MLH3: variants seen among roughly 807,000 people sequenced by gnomAD.
MLH3 encodes mutL homolog 3.
A neutral mutation model predicts 122.2 loss-of-function variants in MLH3; 82 were observed. The observed-to-expected ratio is 0.67, with a 90% confidence interval of 0.56 to 0.81. MLH3 has a LOEUF of 0.81. Ranked by LOEUF, MLH3 falls within the 30% of genes least tolerant of loss-of-function variation. The pLI, the probability that MLH3 is intolerant of heterozygous loss-of-function variation, is 0.00. For synonymous variants in MLH3, 524 were observed against 599.5 expected (o/e 0.87, Z 1.84); for missense variants, 1,539 against 1,714.5 (o/e 0.90, Z 1.81).
rs1045499933 is a variant in MLH3 at position 75,018,975 on chromosome 14, T to C, written c.4096A>G (p.Ile1366Val). 3.1e-6 allele frequency: 5 copies of C among 1,614,056 alleles called. No homozygotes were observed. In the African/African-American group the frequency reaches 6.7e-5, roughly 22 times the overall value. ...VLASQACHGA[I>V]KFNDGLSLQE... Reference sequence around the variant, plus strand: ...AAGCTCAGGCCATCATTAAACTTAATGGCCCCTAAATGAAAGACAGAAACA... The same window carrying C: ...AAGCTCAGGCCATCATTAAACTTAACGGCCCCTAAATGAAAGACAGAAACA... The change falls in exon 12 of 13, where the codon ATT (isoleucine) becomes GTT (valine). Residue 1366 changes from isoleucine to valine, a missense_variant. Physicochemically the swap from Ile to Val is conservative, Grantham distance 29. Transcript: ENST00000355774.
At position 75,046,955 on chromosome 14, in the gene MLH3, T is replaced by C. The variant is rs146425909; in HGVS notation, c.2701A>G (p.Asn901Asp). The C allele has an allele frequency of 1.9e-6, 3 of 1,614,058 alleles. No individual in the cohort carries two copies. In the African/African-American group the frequency reaches 4.0e-5, roughly 22 times the overall value. Reference protein sequence around the residue: ...GMMSRFNELPNSDSSRKDSKL... With the variant: ...GMMSRFNELPDSDSSRKDSKL... ...CTGTCTTTCCTACTGGAATCTGAATTTGGAAGTTCATTAAAACGACTCATC... is the reference window on the plus strand; with the variant it reads ...CTGTCTTTCCTACTGGAATCTGAATCTGGAAGTTCATTAAAACGACTCATC... Residue 901 changes from asparagine to aspartate, a missense_variant, in exon 2 of 13, where the codon AAT becomes GAT. Physicochemically the swap from Asn to Asp is conservative, Grantham distance 23. Transcript: ENST00000355774.
At position 75,047,734 on chromosome 14, in the gene MLH3, G is replaced by A; in HGVS notation, c.1922C>T (p.Thr641Ile). The change falls in exon 2 of 13, where the codon ACA becomes ATA. Residue 641 changes from threonine (T) to isoleucine (I), a missense_variant. Thr to Ile is a moderately conservative substitution (Grantham distance 89). Coordinates refer to ENST00000355774, the MANE Select transcript of MLH3 (RefSeq NM_001040108.2). ...VRPGPTRAQE[T>I]FGNRTRHSVE... ...TGAATGACGTGTTCTATTTCCAAAT[G>A]TTTCTTGGGCACGTGTGGGACCAGG... is the stretch of plus-strand genomic sequence containing the variant. 6.2e-7 allele frequency: 1 copy of A among 1,614,096 alleles called. No homozygotes were observed. The highest frequency in any genetic ancestry group is 1.3e-5 in the African/African-American group (1 of 75,028).
intron 7 of MLH3, among the ~76,000 whole-genome samples, chr14:75,032,623 G>A (rs1891125468): frequency 6.6e-6 from 1 of 151,830 alleles, no homozygotes; most frequent in South Asian, 2.1e-4. Flanking sequence ...TTCTAACACT[G>A]TTTTTACTAT....
In MLH3 at chr14:75,049,465, TCACTCCC is replaced by T. The variant is rs1892518955; in HGVS notation, c.184_190del (p.Gly62MetfsTer3). 1 of 1,614,152 alleles carries T rather than the reference TCACTCCC, an allele frequency of 6.2e-7. No homozygotes were observed. The highest frequency in any genetic ancestry group is 8.5e-7 in the Non-Finnish European group (1 of 1,180,026). ...ACGATTTCCCACTTTCTCTACATCA[TCACTCCC>T]CATCCCAAATCCATTGTCTATCACT... On this transcript the variant is annotated frameshift_variant, in exon 2 of 13. Coordinates refer to ENST00000355774, the MANE Select transcript of MLH3 (RefSeq NM_001040108.2). LOFTEE classifies it high-confidence loss of function.
chr14:75,036,789 A>G, intron 6 of MLH3: 1 of 456,114 alleles, frequency 2.2e-6, no homozygotes, highest in South Asian at 1.5e-5. Context: ...TACTTTCCCC[A>G]TATCCAATCC....
chr14:75,028,513 G>A (rs1435418259), intron 9 of MLH3, among the ~76,000 whole-genome samples: 1 of 151,144 alleles, frequency 6.6e-6, no homozygotes, highest in Non-Finnish European at 1.5e-5. Context: ...CACCTTCCGG[G>A]TTCAAGCAAT....
intron 4 of MLH3, among the ~76,000 whole-genome samples, chr14:75,040,387 T>C (rs1474299754): frequency 7.7e-6 from 1 of 130,088 alleles, no homozygotes; most frequent in Non-Finnish European, 1.5e-5. Flanking sequence ...GAGGCGGAGC[T>C]TGCAGTGAGC....
In MLH3 at chr14:75,047,350, T is replaced by A; in HGVS notation, c.2306A>T (p.Asp769Val). 6.2e-7 allele frequency: 1 copy of A among 1,614,182 alleles called. No individual in the cohort carries two copies. The highest frequency in any genetic ancestry group is 8.5e-7 in the Non-Finnish European group (1 of 1,180,008). ...TCCATTACTTTCCTCTACTTCTGTATCCAGAGGATTTTCAACCTTCCCATA... is the reference window on the plus strand; with the variant it reads ...TCCATTACTTTCCTCTACTTCTGTAACCAGAGGATTTTCAACCTTCCCATA... ...RQYGKVENPL[D>V]TEVEESNGVT... The change falls in exon 2 of 13, where the codon GAT becomes GTT. Residue 769 changes from aspartate to valine, a missense_variant. By Grantham distance (152) the Asp-to-Val change is radical. Coordinates refer to ENST00000355774, the MANE Select transcript of MLH3 (RefSeq NM_001040108.2).
chr14:75,018,800 C>T, intron 12 of MLH3, 29 bp downstream of exon 12: 2 of 1,612,400 alleles, frequency 1.2e-6, no homozygotes, highest in South Asian at 2.2e-5. Flanking sequence ...AACTTTGCTC[C>T]CTCCTGCTCC....
At chr14:75,020,025 G>A (rs1890171280) in intron 11 of MLH3, among the ~76,000 whole-genome samples, 1 of 152,190 alleles carries the variant, frequency 6.6e-6, no homozygotes, top group Non-Finnish European at 1.5e-5. Flanking sequence ...AGGCTTTCCT[G>A]GCAAAGTAGT....
chr14:75,027,688 A>ACCC (rs1555341362), intron 9 of MLH3, among the ~76,000 whole-genome samples: 2 of 134,546 alleles, frequency 1.5e-5, no homozygotes, highest in African/African-American at 5.5e-5. Context: ...AAAAAAAAAA[A>ACCC]AAAAAACCCA....
intron 11 of MLH3, among the ~76,000 whole-genome samples, chr14:75,022,289 G>A (rs1890333772): frequency 6.6e-6 from 1 of 152,156 alleles, no homozygotes; most frequent in African/African-American, 2.4e-5. Context: ...GTTACAAAGT[G>A]CACATGTACC....
At chr14:75,023,933 A>C (rs1053072717) in intron 9 of MLH3, among the ~76,000 whole-genome samples, 1 of 152,206 alleles carries the variant, frequency 6.6e-6, no homozygotes, top group Non-Finnish European at 1.5e-5. Flanking sequence ...GGTAGTAGAT[A>C]CTATATTACA....
chr14:75,044,073 G>C (rs373553379), intron 2 of MLH3, among the ~76,000 whole-genome samples: 10 of 151,658 alleles, frequency 6.6e-5, no homozygotes, highest in African/African-American at 2.4e-4. Context: ...TGGGCAACAA[G>C]AGCGAAACTC....
At chr14:75,041,535 C>CA in intron 4 of MLH3, 80 bp downstream of exon 4, 1 of 1,153,228 alleles carries the variant, frequency 8.7e-7, no homozygotes, top group Non-Finnish European at 1.3e-6. Flanking sequence ...GCAACAGGAG[C>CA]AAAACTCCAT....
chr14:75,032,144 G>C lies in MLH3; in HGVS notation c.3751C>G (p.Arg1251Gly). ...YEKQQAQGSG[R>G]KKLLSSTLIP... ...AGAGTAGAAGACAGTAATTTTTTCC[G>C]ACCAGAGCCTTGTGCCTGTTGCTTC... The change falls in exon 8 of 13, where the codon CGG (arginine) becomes GGG (glycine). Residue 1251 changes from arginine (R) to glycine (G), a missense_variant. Coordinates refer to ENST00000355774, the MANE Select transcript of MLH3 (RefSeq NM_001040108.2). 6.2e-7 allele frequency: 1 copy of C among 1,613,610 alleles called. No homozygotes were observed. Among genetic ancestry groups the C allele is most frequent in the African/African-American group, 1.3e-5 (1 of 75,002 alleles).
intron 9 of MLH3, among the ~76,000 whole-genome samples, chr14:75,027,199 T>C (rs1890683205): frequency 6.6e-6 from 1 of 152,056 alleles, no homozygotes. Flanking sequence ...TGTTTTTAGC[T>C]AGATAATCAT....
intron 9 of MLH3, among the ~76,000 whole-genome samples, chr14:75,029,040 C>G (rs1427265714): frequency 5.4e-5 from 8 of 147,038 alleles, no homozygotes; most frequent in African/African-American, 2.0e-4. Context: ...ATCCCAGCTA[C>G]TTGGGAGGCT....
chr14:75,049,398 A>G lies in MLH3; in HGVS notation c.258T>C (p.Asn86=), dbSNP rs547799821. The change falls in exon 2 of 13, where the codon AAT becomes AAC. Residue 86 remains asparagine (N), a synonymous_variant. Transcript: ENST00000355774. The stretch of plus-strand genomic sequence containing the variant: ...CTCCTCGGAAACCATAAAACCTTGG[A>G]TTCTCCAAGTCCTGTACCGAGTGGC... ...SKCHSVQDLE[N]PRFYGFRGEA... The G allele has an allele frequency of 2.5e-6, 4 of 1,614,024 alleles. No individual in the cohort carries two copies. The South Asian group carries it at 4.4e-5, about 18-fold the overall frequency.
Sources: gnomAD v4.1 joint callset for allele counts (sites outside exome capture counted in the v4.1 genomes callset) on GRCh38, gnomAD v4.1.1 for gene constraint, MANE v1.5 for transcripts, NCBI Gene and HGNC (gene_info 2026-07-23, HGNC 2026-07-21) for gene names.